Variants in PROS1 observed in about 807,000 individuals in gnomAD.
The protein encoded by PROS1 is protein S.
Under a neutral mutation model 75.9 loss-of-function variants are expected in PROS1, and 29 were observed. That is an observed-to-expected ratio of 0.38 (90% CI 0.28 to 0.52). The LOEUF (loss-of-function observed/expected upper bound fraction) is 0.52. Among genes scored for constraint, PROS1 ranks in the 20% least tolerant of loss-of-function variants. PROS1 has a pLI of 0.83. For missense variants in PROS1, 680 were observed against 810.3 expected, an observed-to-expected ratio of 0.84 and a Z score of 1.95; for synonymous variants, 245 against 280.6, an observed-to-expected ratio of 0.87 and a Z score of 1.27.
intron 11 of PROS1, among the ~76,000 whole-genome samples, chr3:93,885,763 T>TTGA (rs1215500352): frequency 2.0e-5 from 3 of 152,246 alleles, no homozygotes; most frequent in Admixed American, 6.5e-5. Flanking sequence ...ATGGGTTAAT[T>TTGA]AATTCAAGCT....
intron 8 of PROS1, among the ~76,000 whole-genome samples, chr3:93,897,374 TGAG>T (rs1462857492): frequency 6.6e-6 from 1 of 152,110 alleles, no homozygotes; most frequent in African/African-American, 2.4e-5. Context: ...GAGGATATTT[TGAG>T]GAGAATTACG....
intron 9 of PROS1, among the ~76,000 whole-genome samples, chr3:93,896,358 G>A (rs536986216): frequency 6.6e-6 from 1 of 152,116 alleles, no homozygotes; most frequent in Non-Finnish European, 1.5e-5. Flanking sequence ...GTTCATTGGG[G>A]AAAGTCAGCC....
chr3:93,875,624 CTCTATCTATCTATCTATCTATCTATCTA>C (rs56899294), intron 14 of PROS1, among the ~76,000 whole-genome samples: 4 of 148,230 alleles, frequency 2.7e-5, no homozygotes, highest in East Asian at 2.0e-4. Flanking sequence ...CACTACTTAC[CTCTATCTATCTATCTATCTATCTATCTA>C]TCTATCTATC....
At chr3:93,960,428 G>A (rs553695083) in intron 1 of PROS1, among the ~76,000 whole-genome samples, 7 of 151,130 alleles carry the variant, frequency 4.6e-5, no homozygotes, top group African/African-American at 1.7e-4. Context: ...CGCCCGCCTC[G>A]GCCTCCCAAA....
At chr3:93,879,666 G>A (rs938616806) in intron 12 of PROS1, among the ~76,000 whole-genome samples, 6 of 152,230 alleles carry the variant, frequency 3.9e-5, no homozygotes, top group South Asian at 2.1e-4. Context: ...CCAAGCACAC[G>A]TTTGAAAATT....
chr3:93,966,738 G>A (rs1224982338), intron 1 of PROS1, among the ~76,000 whole-genome samples: 16 of 151,590 alleles, frequency 1.1e-4, no homozygotes, highest in Admixed American at 7.2e-4. Context: ...TTAGCTGGGC[G>A]TGGTGGCAAC....
chr3:93,958,955 T>C (rs1446186774), intron 1 of PROS1, among the ~76,000 whole-genome samples: 5 of 152,112 alleles, frequency 3.3e-5, no homozygotes, highest in African/African-American at 9.7e-5. Flanking sequence ...GATGTGAAAA[T>C]TGACACTTTT....
chr3:93,906,245 A>G, intron 4 of PROS1, 102 bp from the exon 5 acceptor site: 1 of 1,268,922 alleles, frequency 7.9e-7, no homozygotes, highest in South Asian at 1.4e-5. Context: ...ACCAATGAAA[A>G]AAAAACACAC....
intron 1 of PROS1, among the ~76,000 whole-genome samples, chr3:93,964,933 A>T (rs1699261016): frequency 6.6e-6 from 1 of 152,230 alleles, no homozygotes; most frequent in Non-Finnish European, 1.5e-5. Context: ...TAGGCCAACT[A>T]AGAATCCCTA....
At chr3:93,939,153 A>G (rs1028918919) in intron 1 of PROS1, among the ~76,000 whole-genome samples, 6 of 152,160 alleles carry the variant, frequency 3.9e-5, no homozygotes, top group South Asian at 2.1e-4. Flanking sequence ...AAACTCGACA[A>G]TTGTTCCAAA....
At chr3:93,917,175 A>G (rs1309676123) in intron 3 of PROS1, among the ~76,000 whole-genome samples, 1 of 152,240 alleles carries the variant, frequency 6.6e-6, no homozygotes, top group Admixed American at 6.5e-5. Context: ...CTTGCTTTCA[A>G]AAAATACATA....
At chr3:93,895,579 T>C (rs1218136923) in intron 9 of PROS1, among the ~76,000 whole-genome samples, 1 of 152,234 alleles carries the variant, frequency 6.6e-6, no homozygotes, top group Non-Finnish European at 1.5e-5. Context: ...TACATGCTTA[T>C]TTAATTAAAA....
At chr3:93,917,410 G>C (rs545160173) in intron 3 of PROS1, among the ~76,000 whole-genome samples, 1 of 152,132 alleles carries the variant, frequency 6.6e-6, no homozygotes, top group South Asian at 2.1e-4. Flanking sequence ...AGTGATTCTT[G>C]TCCCTCAGCC....
At chr3:93,906,259 T>C in intron 4 of PROS1, 116 bp from the exon 5 acceptor site, 1 of 1,090,290 alleles carries the variant, frequency 9.2e-7, no homozygotes, top group African/African-American at 1.6e-5. Context: ...AACACACAAC[T>C]CCTTTCTTTA....
Position 93,970,953 on chromosome 3 carries a change from G to A in PROS1, c.76+2721C>T, listed in dbSNP as rs115153315. On this transcript the variant is annotated intron_variant, in intron 1 of 14. Coordinates refer to ENST00000394236, the MANE Select transcript of PROS1 (RefSeq NM_000313.4). ...TTCAAAGCTGTAGTGCCCTATAATAGTGCCTGTGAATAGCCACTGCACTCC... is the reference window on the plus strand; with the variant it reads ...TTCAAAGCTGTAGTGCCCTATAATAATGCCTGTGAATAGCCACTGCACTCC... 8.6e-3 allele frequency among the ~76,000 whole-genome samples: 1,303 copies of A among 152,152 alleles called. 19 individuals carry two copies. Among genetic ancestry groups the A allele is most frequent in the African/African-American group, 0.03 (1,246 of 41,496 alleles).
chr3:93,938,283 A>G (rs1177969630), intron 1 of PROS1, among the ~76,000 whole-genome samples: 1 of 151,894 alleles, frequency 6.6e-6, no homozygotes, highest in East Asian at 1.9e-4. Flanking sequence ...TTTGACTGTA[A>G]TTTTCCACTA....
At chr3:93,897,760 C>G (rs1466435795) in intron 8 of PROS1, among the ~76,000 whole-genome samples, 1 of 151,472 alleles carries the variant, frequency 6.6e-6, no homozygotes, top group Admixed American at 6.6e-5. Context: ...CTTCACTTGT[C>G]AAAAAAAGAT....
At chr3:93,950,830 G>A (rs1440574205) in intron 1 of PROS1, among the ~76,000 whole-genome samples, 2 of 152,190 alleles carry the variant, frequency 1.3e-5, no homozygotes, top group African/African-American at 4.8e-5. Flanking sequence ...AAGCTGGATG[G>A]ACAATGACTT....
chr3:93,897,361 TATG>T (rs1256772113), intron 8 of PROS1, among the ~76,000 whole-genome samples: 47 of 151,872 alleles, frequency 3.1e-4, no homozygotes, highest in African/African-American at 1.1e-3. Context: ...ATTGAACACA[TATG>T]AGGATATTTT....
Sources: allele counts gnomAD v4.1 joint callset (sites outside exome capture counted in the v4.1 genomes callset), GRCh38; gene constraint gnomAD v4.1.1; transcripts MANE v1.5; gene names NCBI Gene and HGNC (gene_info 2026-07-23, HGNC 2026-07-21).